The following GPC6 variants were observed in gnomAD, a reference collection of about 807,000 sequenced individuals.
GPC6 encodes glypican-6.
In GPC6, 14 loss-of-function variants were observed where a neutral mutation model predicts 55.2. The observed-to-expected ratio is 0.25, with a 90% CI of 0.17 to 0.40. GPC6 has a LOEUF of 0.40. GPC6 is among the 10% of genes least tolerant of loss of function. The pLI, the probability that GPC6 is intolerant of heterozygous loss-of-function variation, is 1.00. For synonymous variants in GPC6, 278 were observed against 259.6 expected (o/e 1.07, Z -0.68); for missense variants, 641 against 708.5 (o/e 0.90, Z 1.08).
intron 3 of GPC6, among the ~76,000 whole-genome samples, chr13:93,947,706 C>A (rs1231650286): frequency 2.0e-5 from 3 of 151,622 alleles, no homozygotes; most frequent in Non-Finnish European, 4.4e-5. Context: ...ATTCCCCGTA[C>A]AAAAGTGGTT....
At chr13:93,290,123 C>G (rs995269802) in intron 1 of GPC6, among the ~76,000 whole-genome samples, 12 of 152,238 alleles carry the variant, frequency 7.9e-5, no homozygotes, top group African/African-American at 2.9e-4. Flanking sequence ...GGTAATCATG[C>G]AGAACCATTT....
intron 6 of GPC6, among the ~76,000 whole-genome samples, chr13:94,333,858 A>G (rs1473106557): frequency 1.3e-5 from 2 of 152,202 alleles, no homozygotes; most frequent in Non-Finnish European, 1.5e-5. Flanking sequence ...GTCCAAATGC[A>G]TGATGGAGAA....
chr13:94,041,466 A>G (rs1339179567), intron 4 of GPC6, among the ~76,000 whole-genome samples: 1 of 151,826 alleles, frequency 6.6e-6, no homozygotes, highest in Non-Finnish European at 1.5e-5. Flanking sequence ...TTGACTTTTT[A>G]TTGGCTACCT....
intron 1 of GPC6, among the ~76,000 whole-genome samples, chr13:93,419,630 C>T (rs1032062664): frequency 1.3e-5 from 2 of 152,070 alleles, no homozygotes; most frequent in Admixed American, 1.3e-4. Flanking sequence ...CATCTCCATG[C>T]GGATTGAATC....
In GPC6 at chr13:94,357,832, C is replaced by T. The variant is rs75462363; in HGVS notation, c.1153-24582C>T. On this transcript the variant is annotated intron_variant, in intron 6 of 8. Coordinates refer to ENST00000377047, the MANE Select transcript of GPC6 (RefSeq NM_005708.5). ...TCAGTTCTTGTCAATGTTGACATCA[C>T]GTTGTACTACTGTCTGTTTTTATGT... Among the ~76,000 whole-genome samples the T allele has an allele frequency of 4.8e-3, 726 of 152,304 alleles. 15 individuals carry two copies. In the East Asian group the frequency reaches 0.073, roughly 15 times the overall value.
chr13:94,119,121 C>A (rs1886536629), intron 4 of GPC6, among the ~76,000 whole-genome samples: 1 of 151,492 alleles, frequency 6.6e-6, no homozygotes, highest in South Asian at 2.1e-4. Flanking sequence ...TGTTAATATC[C>A]TCATATATTC....
At chr13:93,912,539 C>G (rs180690167) in intron 3 of GPC6, among the ~76,000 whole-genome samples, 74 of 152,080 alleles carry the variant, frequency 4.9e-4, no homozygotes, top group South Asian at 1.5e-3. Flanking sequence ...GTCAGGAGAT[C>G]GAGACCATCC....
chr13:93,269,694 G>C (rs1055364945), intron 1 of GPC6, among the ~76,000 whole-genome samples: 1 of 150,936 alleles, frequency 6.6e-6, no homozygotes, highest in Non-Finnish European at 1.5e-5. Context: ...GGGAGGCCAA[G>C]GTGGGCGGAT....
At chr13:93,552,860 T>G (rs1393843709) in intron 2 of GPC6, among the ~76,000 whole-genome samples, 2 of 152,162 alleles carry the variant, frequency 1.3e-5, no homozygotes, top group Non-Finnish European at 2.9e-5. Flanking sequence ...ATCCTTTGAG[T>G]AAGTATGGGT....
At chr13:94,315,173 CA>C (rs1193958204) in intron 6 of GPC6, among the ~76,000 whole-genome samples, 1 of 152,196 alleles carries the variant, frequency 6.6e-6, no homozygotes, top group Non-Finnish European at 1.5e-5. Context: ...CCACCAGCAG[CA>C]GCTCCATTAT....
At chr13:93,900,706 T>C (rs905194873) in intron 3 of GPC6, among the ~76,000 whole-genome samples, 9 of 152,150 alleles carry the variant, frequency 5.9e-5, no homozygotes, top group Non-Finnish European at 1.3e-4. Flanking sequence ...TTTCTTTACA[T>C]AGTATTTGGA....
At position 93,989,572 on chromosome 13, in the gene GPC6, G is replaced by A. The variant is rs182392245; in HGVS notation, c.712-38157G>A. ...TAAGATAAAGTCTGGGCTCAGTGCC[G>A]AAAAACTTTCACCCACCTCACCTAT... On this transcript the variant is annotated intron_variant, in intron 3 of 8. Transcript: ENST00000377047. Among the ~76,000 whole-genome samples, 20 of 152,226 alleles carry A rather than the reference G, an allele frequency of 1.3e-4. No individual in the cohort carries two copies. In the East Asian group the frequency reaches 1.4e-3, roughly 10 times the overall value.
chr13:94,359,469 G>T (rs960647623), intron 6 of GPC6, among the ~76,000 whole-genome samples: 9 of 152,044 alleles, frequency 5.9e-5, no homozygotes, highest in Non-Finnish European at 1.0e-4. Flanking sequence ...GAGAGGTTAG[G>T]GTTCCATTCT....
At chr13:94,029,587 T>C (rs981574206) in intron 4 of GPC6, among the ~76,000 whole-genome samples, 1 of 152,220 alleles carries the variant, frequency 6.6e-6, no homozygotes, top group Non-Finnish European at 1.5e-5. Context: ...GTAGCATCAT[T>C]TGGAGTCATA....
chr13:93,401,900 G>A (rs575454404), intron 1 of GPC6, among the ~76,000 whole-genome samples: 4 of 151,988 alleles, frequency 2.6e-5, no homozygotes, highest in African/African-American at 4.8e-5. Flanking sequence ...TTAAGAATAA[G>A]GTTGGGGGAA....
At chr13:94,078,698 C>T (rs1401765433) in intron 4 of GPC6, among the ~76,000 whole-genome samples, 1 of 151,762 alleles carries the variant, frequency 6.6e-6, no homozygotes, top group East Asian at 1.9e-4. Context: ...GAAACATGAA[C>T]TAAAAGAAAC....
intron 7 of GPC6, among the ~76,000 whole-genome samples, chr13:94,390,012 C>T (rs1880575341): frequency 1.3e-5 from 2 of 152,136 alleles, no homozygotes; most frequent in African/African-American, 4.8e-5. Flanking sequence ...ATATTGTGTC[C>T]CCAAGGAAAT....
intron 3 of GPC6, chr13:94,025,508 A>G (rs764479894): frequency 4.6e-5 from 7 of 151,294 alleles, no homozygotes; most frequent in Non-Finnish European, 8.8e-5. Context: ...ACTTGGCACT[A>G]TCTCCCATCC....
At chr13:93,723,984 C>T (rs533216792) in intron 2 of GPC6, among the ~76,000 whole-genome samples, 1 of 151,936 alleles carries the variant, frequency 6.6e-6, no homozygotes, top group African/African-American at 2.4e-5. Context: ...TGTTTTACTC[C>T]TAAGGGTGAA....
Sources: gnomAD v4.1 joint callset for allele counts (sites outside exome capture counted in the v4.1 genomes callset) on GRCh38, gnomAD v4.1.1 for gene constraint, MANE v1.5 for transcripts, NCBI Gene and HGNC (gene_info 2026-07-23, HGNC 2026-07-21) for gene names.